RFX3: variants seen among roughly 807,000 people sequenced by gnomAD.
RFX3 encodes the protein regulatory factor X3.
RFX3 carries 14 observed loss-of-function variants against 98.6 expected under a neutral mutation model. The observed-to-expected ratio is 0.14, with a 90% confidence interval of 0.09 to 0.22. The LOEUF (loss-of-function observed/expected upper bound fraction) is 0.22. Among genes scored for constraint, RFX3 ranks in the 10% least tolerant of loss-of-function variants. The probability of loss-of-function intolerance (pLI) is 1.00; values close to 1 mark genes in which losing one functional copy is unlikely to be tolerated. For synonymous variants in RFX3, 383 were observed against 328.4 expected (o/e 1.17, Z -1.80); for missense variants, 639 against 926.9 (o/e 0.69, Z 4.03).
At chr9:3,507,144 T>A in intron 1 of RFX3, among the ~76,000 whole-genome samples, 1 of 151,880 alleles carries the variant, frequency 6.6e-6, no homozygotes, top group East Asian at 1.9e-4. Context: ...AGATTAAGCA[T>A]TTACAACTGA....
chr9:3,456,330 T>C (rs1366476895), intron 1 of RFX3, among the ~76,000 whole-genome samples: 1 of 152,234 alleles, frequency 6.6e-6, no homozygotes, highest in African/African-American at 2.4e-5. Context: ...GATCCGTGGC[T>C]AGTGTGATAA....
At position 3,293,161 on chromosome 9, in the gene RFX3, T is replaced by C. The variant is rs1368406686; in HGVS notation, c.647A>G (p.Lys216Arg). 2.5e-6 allele frequency: 4 copies of C among 1,613,594 alleles called. No homozygotes were observed. The highest frequency in any genetic ancestry group is 3.4e-6 in the Non-Finnish European group (4 of 1,179,750). ...NHYLRHCQEHKLDPVNAASFG... is the reference protein window; with the variant it reads ...NHYLRHCQEHRLDPVNAASFG... ...AGAGGCAGCATTGACTGGGTCCAGT[T>C]TGTGTTCCTGACAGTGTCGAAGGTA... is the stretch of plus-strand genomic sequence containing the variant. Residue 216 changes from lysine (K) to arginine (R), a missense_variant, in exon 6 of 17, where the codon AAA becomes AGA. Transcript: ENST00000617270.
At chr9:3,392,419 A>C (rs1183902316) in intron 2 of RFX3, among the ~76,000 whole-genome samples, 1 of 151,954 alleles carries the variant, frequency 6.6e-6, no homozygotes. Context: ...AACACATAGG[A>C]ATTTTTTAAA....
At chr9:3,407,112 T>A (rs530372701) in intron 1 of RFX3, among the ~76,000 whole-genome samples, 1 of 152,212 alleles carries the variant, frequency 6.6e-6, no homozygotes, top group Non-Finnish European at 1.5e-5. Context: ...TTAATTTTCA[T>A]AGCTGAAATG....
chr9:3,231,698 T>C (rs1227482242), intron 15 of RFX3, among the ~76,000 whole-genome samples: 2 of 151,524 alleles, frequency 1.3e-5, no homozygotes, highest in South Asian at 4.2e-4. Context: ...GCAGGGAAGA[T>C]TGAGAGCAGG....
intron 7 of RFX3, among the ~76,000 whole-genome samples, chr9:3,286,791 CT>C (rs1401970338): frequency 2.6e-5 from 4 of 151,932 alleles, no homozygotes; most frequent in Non-Finnish European, 2.9e-5. Context: ...GATTCTCCTT[CT>C]GTAATACCAG....
intron 4 of RFX3, among the ~76,000 whole-genome samples, chr9:3,323,222 A>G (rs1226524593): frequency 6.6e-6 from 1 of 152,184 alleles, no homozygotes; most frequent in Admixed American, 6.5e-5. Flanking sequence ...ACATGGAGAA[A>G]TTCTTTCTCA....
chr9:3,410,148 C>T (rs1420651394), intron 1 of RFX3, among the ~76,000 whole-genome samples: 1 of 95,652 alleles, frequency 1.0e-5, no homozygotes, highest in East Asian at 4.6e-4. Context: ...AACACGATTT[C>T]AAGTGAGATA....
At chr9:3,475,642 T>G (rs570138162) in intron 1 of RFX3, among the ~76,000 whole-genome samples, 1 of 152,344 alleles carries the variant, frequency 6.6e-6, no homozygotes, top group African/African-American at 2.4e-5. Flanking sequence ...TATCAGAGAC[T>G]TTTAGTACTT....
At chr9:3,320,328 G>A (rs933700247) in intron 4 of RFX3, among the ~76,000 whole-genome samples, 3 of 152,022 alleles carry the variant, frequency 2.0e-5, no homozygotes, top group Non-Finnish European at 4.4e-5. Flanking sequence ...TGAGGCAGGC[G>A]GATCACTTGA....
intron 1 of RFX3, among the ~76,000 whole-genome samples, chr9:3,401,969 G>C (rs964401039): frequency 2.6e-4 from 40 of 152,194 alleles, no homozygotes; most frequent in Non-Finnish European, 7.4e-5. Flanking sequence ...AAGCAAATGT[G>C]TTTGGAACAA....
At chr9:3,345,139 C>T (rs1055209211) in intron 3 of RFX3, among the ~76,000 whole-genome samples, 4 of 152,002 alleles carry the variant, frequency 2.6e-5, no homozygotes, top group African/African-American at 7.2e-5. Context: ...GAAGGATAAG[C>T]TAACTGCAGA....
intron 2 of RFX3, among the ~76,000 whole-genome samples, chr9:3,379,263 G>C (rs190934569): frequency 6.6e-6 from 1 of 152,282 alleles, no homozygotes; most frequent in Non-Finnish European, 1.5e-5. Context: ...GGCTAGGAGA[G>C]TGCATAAAGG....
chr9:3,240,958 C>T (rs566963500), intron 15 of RFX3, among the ~76,000 whole-genome samples: 16 of 152,326 alleles, frequency 1.1e-4, no homozygotes, highest in African/African-American at 3.6e-4. Flanking sequence ...AAACTCTTTA[C>T]TAAACAAATA....
intron 1 of RFX3, chr9:3,488,882 A>ATCC: frequency 1.0e-6 from 1 of 985,048 alleles, no homozygotes. Context: ...AAACTAGAGT[A>ATCC]TCCTCCATGG....
At chr9:3,514,070 G>A (rs956666011) in intron 1 of RFX3, among the ~76,000 whole-genome samples, 1 of 151,964 alleles carries the variant, frequency 6.6e-6, no homozygotes, top group African/African-American at 2.4e-5. Flanking sequence ...AGCATTCATG[G>A]CCTTTATTAA....
At chr9:3,346,524 ACAT>A in intron 3 of RFX3, 140 bp downstream of exon 3, 1 of 592,244 alleles carries the variant, frequency 1.7e-6, no homozygotes, top group Non-Finnish European at 3.0e-6. Context: ...AAAGCTCTAA[ACAT>A]CAGCTTAATT....
chr9:3,252,309 C>CAGA (rs1821520023), intron 14 of RFX3, among the ~76,000 whole-genome samples: 3 of 152,070 alleles, frequency 2.0e-5, no homozygotes, highest in African/African-American at 4.8e-5. Flanking sequence ...CAAAAAAGTT[C>CAGA]ACGTTCTGTT....
chr9:3,393,400 C>G (rs1197776623), intron 2 of RFX3, among the ~76,000 whole-genome samples: 1 of 151,820 alleles, frequency 6.6e-6, no homozygotes, highest in Non-Finnish European at 1.5e-5. Flanking sequence ...ACTTTTTTTT[C>G]ATGTTTACAG....
Sources: allele counts gnomAD v4.1 joint callset (sites outside exome capture counted in the v4.1 genomes callset), GRCh38; gene constraint gnomAD v4.1.1; transcripts MANE v1.5; gene names NCBI Gene and HGNC (gene_info 2026-07-23, HGNC 2026-07-21).